The following MEI4 variants were observed in gnomAD, a reference collection of about 807,000 sequenced individuals.
The protein encoded by MEI4 is meiotic double-stranded break formation protein 4.
MEI4 carries 27 observed loss-of-function variants against 31.4 expected under a neutral mutation model. The observed-to-expected ratio is 0.86, with a 90% CI of 0.63 to 1.19. The LOEUF is 1.19. Ranked by LOEUF, MEI4 falls within the 50% of genes most tolerant of loss-of-function variation. The pLI is 0.00. For synonymous variants in MEI4, 122 were observed against 145.4 expected, an observed-to-expected ratio of 0.84 and a Z score of 1.16; for missense variants, 329 against 398.9, an observed-to-expected ratio of 0.82 and a Z score of 1.49.
chr6:77,805,031 G>A (rs1474707325), intron 3 of MEI4, among the ~76,000 whole-genome samples: 1 of 152,166 alleles, frequency 6.6e-6, no homozygotes, highest in Non-Finnish European at 1.5e-5. Context: ...ATATTGAGAA[G>A]TGTGTTGTTT....
chr6:77,807,473 T>G (rs1217835109), intron 3 of MEI4, among the ~76,000 whole-genome samples: 2 of 152,120 alleles, frequency 1.3e-5, no homozygotes, highest in Non-Finnish European at 2.9e-5. Flanking sequence ...CCCCCAGTCT[T>G]AACAATAGAC....
chr6:77,787,921 AT>A (rs905207792), intron 3 of MEI4, among the ~76,000 whole-genome samples: 15 of 152,088 alleles, frequency 9.9e-5, no homozygotes, highest in African/African-American at 3.6e-4. Context: ...AATATTGAGG[AT>A]TTTTGCATCG....
chr6:77,786,813 TATAAGA>T (rs1420926051), intron 3 of MEI4, among the ~76,000 whole-genome samples: 1 of 152,116 alleles, frequency 6.6e-6, no homozygotes, highest in African/African-American at 2.4e-5. Flanking sequence ...ACAAAAAATG[TATAAGA>T]ATAAGACTAA....
At chr6:77,779,159 T>C (rs1241039290) in intron 3 of MEI4, among the ~76,000 whole-genome samples, 1 of 152,140 alleles carries the variant, frequency 6.6e-6, no homozygotes, top group Non-Finnish European at 1.5e-5. Flanking sequence ...AGTGGTCATG[T>C]AGAGATGAAG....
At chr6:77,709,865 A>G (rs1294719642) in intron 2 of MEI4, among the ~76,000 whole-genome samples, 1 of 152,130 alleles carries the variant, frequency 6.6e-6, no homozygotes, top group East Asian at 1.9e-4. Flanking sequence ...GGGAGTGTTT[A>G]TTCTCATGTG....
chr6:77,802,696 A>G (rs899241372), intron 3 of MEI4, among the ~76,000 whole-genome samples: 4 of 152,096 alleles, frequency 2.6e-5, no homozygotes, highest in African/African-American at 4.8e-5. Flanking sequence ...GCATTTGCTT[A>G]TCTGTAAAGG....
At chr6:77,740,245 G>C (rs773555885) in intron 2 of MEI4, among the ~76,000 whole-genome samples, 1 of 152,174 alleles carries the variant, frequency 6.6e-6, no homozygotes, top group Non-Finnish European at 1.5e-5. Context: ...TAGAGTATGT[G>C]CCATGTGGTG....
At chr6:77,734,743 C>A (rs1386557582) in intron 2 of MEI4, among the ~76,000 whole-genome samples, 1 of 151,734 alleles carries the variant, frequency 6.6e-6, no homozygotes, top group Non-Finnish European at 1.5e-5. Flanking sequence ...TGGTCTTTAC[C>A]TTTTGGCATG....
At chr6:77,800,961 G>A (rs976920879) in intron 3 of MEI4, among the ~76,000 whole-genome samples, 2 of 151,996 alleles carry the variant, frequency 1.3e-5, no homozygotes, top group African/African-American at 4.8e-5. Flanking sequence ...CTCTTTTTTG[G>A]TTGTGTCTCT....
At chr6:77,651,550 T>A (rs1768301221), upstream of MEI4, among the ~76,000 whole-genome samples, 1 of 152,216 alleles carries the variant, frequency 6.6e-6, no homozygotes, top group Non-Finnish European at 1.5e-5. Context: ...TTTGGGGGAC[T>A]TGTTTGTATT....
intron 2 of MEI4, among the ~76,000 whole-genome samples, chr6:77,713,610 C>G (rs528603959): frequency 6.6e-6 from 1 of 152,224 alleles, no homozygotes; most frequent in South Asian, 2.1e-4. Flanking sequence ...GTCTGCTTCT[C>G]TTAGGAATAA....
At chr6:77,874,996 C>T (rs963285036) in intron 4 of MEI4, among the ~76,000 whole-genome samples, 1 of 152,152 alleles carries the variant, frequency 6.6e-6, no homozygotes, top group African/African-American at 2.4e-5. Context: ...ACTAAGTGGT[C>T]ATAGCTGAAG....
At chr6:77,756,193 G>A (rs1388294799) in intron 2 of MEI4, among the ~76,000 whole-genome samples, 3 of 152,050 alleles carry the variant, frequency 2.0e-5, no homozygotes, top group Admixed American at 1.3e-4. Context: ...ACTCAAACAA[G>A]AATGGATACT....
At chr6:77,766,410 A>ATATT (rs780309491) in intron 3 of MEI4, among the ~76,000 whole-genome samples, 25 of 152,040 alleles carry the variant, frequency 1.6e-4, no homozygotes, top group Non-Finnish European at 2.6e-4. Flanking sequence ...ATGAAATCAG[A>ATATT]TATTTATTTA....
chr6:77,665,269 G>T (rs190507086), intron 1 of MEI4, among the ~76,000 whole-genome samples: 392 of 151,140 alleles, frequency 2.6e-3, no homozygotes, highest in African/African-American at 9.4e-3. Flanking sequence ...CGGAAATAAG[G>T]GATTGGGGGT....
intron 4 of MEI4, among the ~76,000 whole-genome samples, chr6:77,839,068 A>G (rs2127714066): frequency 6.6e-6 from 1 of 152,298 alleles, no homozygotes; most frequent in East Asian, 1.9e-4. Flanking sequence ...CCAGTCAAGG[A>G]ACTCTGTTGT....
intron 4 of MEI4, among the ~76,000 whole-genome samples, chr6:77,872,766 T>C (rs1771229198): frequency 7.7e-6 from 1 of 129,460 alleles, no homozygotes; most frequent in South Asian, 2.8e-4. Context: ...GAGTGTGATG[T>C]TCCCCTTCCT....
At chr6:77,922,256 A>ATACTT (rs143915690) in intron 4 of MEI4, among the ~76,000 whole-genome samples, 3,247 of 151,746 alleles carry the variant, frequency 0.021, 142 homozygotes, top group African/African-American at 0.074. Context: ...CTCAATGTTA[A>ATACTT]TACTTTCTTA....
In MEI4 at chr6:77,759,340, G is replaced by C. The variant is rs148175049; in HGVS notation, c.233-1790G>C. 2.7e-3 allele frequency among the ~76,000 whole-genome samples: 408 copies of C among 152,046 alleles called. 2 individuals are homozygous for C. The highest frequency in any genetic ancestry group is 4.5e-3 in the Non-Finnish European group (309 of 67,980). On this transcript the variant is annotated intron_variant, in intron 2 of 4. Transcript: ENST00000684080. ...TTTACTCACTGCCCATACTCTCTCTGAATGATTGTAATCATTTTTATAGTT... is the reference window on the plus strand; with the variant it reads ...TTTACTCACTGCCCATACTCTCTCTCAATGATTGTAATCATTTTTATAGTT...
Sources: gnomAD v4.1 joint callset for allele counts (sites outside exome capture counted in the v4.1 genomes callset) on GRCh38, gnomAD v4.1.1 for gene constraint, MANE v1.5 for transcripts, NCBI Gene and HGNC (gene_info 2026-07-23, HGNC 2026-07-21) for gene names.